The following ACACA variants were observed in gnomAD, a reference collection of about 807,000 sequenced individuals.
The protein encoded by ACACA is acetyl-CoA carboxylase alpha.
A neutral mutation model predicts 296.1 loss-of-function variants in ACACA; 103 were observed. That is an observed-to-expected ratio of 0.35 (90% confidence interval 0.30 to 0.41). ACACA has a LOEUF of 0.41. Among genes scored for constraint, ACACA ranks in the 10% least tolerant of loss-of-function variants. The pLI is 1.00. For synonymous variants in ACACA, 953 were observed against 1,038.6 expected, an observed-to-expected ratio of 0.92 and a Z score of 1.58; for missense variants, 1,554 against 2,989.7, an observed-to-expected ratio of 0.52 and a Z score of 11.20.
At chr17:37,234,949 T>C in intron 25 of ACACA, 26 bp downstream of exon 25, 1 of 1,613,748 alleles carries the variant, frequency 6.2e-7, no homozygotes, top group Non-Finnish European at 8.5e-7. Context: ...TGACGGTCTT[T>C]ACAAGTTCTG....
In ACACA at chr17:37,173,982, TTATATATA is replaced by T. The variant is rs1173883631; in HGVS notation, c.5079+5270_5079+5277del. 4.4e-3 allele frequency among the ~76,000 whole-genome samples: 85 copies of T among 19,414 alleles called. 2 individuals are homozygous for T. The highest frequency in any genetic ancestry group is 9.9e-3 in the East Asian group (11 of 1,114). 12.7% of individuals were successfully genotyped at this position (19,414 alleles called of 152,430 possible). On this transcript the variant is annotated intron_variant, in intron 41 of 55. Transcript: ENST00000616317. Reference sequence around the variant, plus strand: ...GCGCCTGCCAACACGCCTGGCTAATTTATATATATATATATATATATATATATATATAT... The same window carrying T: ...GCGCCTGCCAACACGCCTGGCTAATTTATATATATATATATATATATATAT...
chr17:37,384,062 G>A (rs921651499), intron 1 of ACACA, among the ~76,000 whole-genome samples: 1 of 152,106 alleles, frequency 6.6e-6, no homozygotes, highest in Non-Finnish European at 1.5e-5. Flanking sequence ...TCAGGAATTC[G>A]AGACCAGCCT....
chr17:37,251,486 T>G (rs1468052561), intron 16 of ACACA, among the ~76,000 whole-genome samples: 1 of 152,236 alleles, frequency 6.6e-6, no homozygotes, highest in African/African-American at 2.4e-5. Flanking sequence ...ATTAGCCACT[T>G]GGAACATTCC....
intron 1 of ACACA, among the ~76,000 whole-genome samples, chr17:37,344,146 AGG>A (rs1454643423): frequency 1.3e-5 from 2 of 152,106 alleles, no homozygotes; most frequent in East Asian, 3.9e-4. Flanking sequence ...AAAAACCTCT[AGG>A]CCAGGTGTGG....
At chr17:37,392,080 G>C in intron 1 of ACACA, 1 of 229,356 alleles carries the variant, frequency 4.4e-6, no homozygotes, top group Admixed American at 5.0e-5. Flanking sequence ...GTGTGACATA[G>C]CTTCCAGCTC....
At chr17:37,211,645 A>C (rs1287126948) in intron 29 of ACACA, among the ~76,000 whole-genome samples, 1 of 152,174 alleles carries the variant, frequency 6.6e-6, no homozygotes, top group African/African-American at 2.4e-5. Flanking sequence ...TGATATGTGG[A>C]AAGGAAGATA....
chr17:37,133,164 C>G (rs1206370041), intron 45 of ACACA, among the ~76,000 whole-genome samples: 2 of 152,140 alleles, frequency 1.3e-5, no homozygotes, highest in Non-Finnish European at 2.9e-5. Flanking sequence ...CTCTGACCAG[C>G]CTTATCTTGG....
At chr17:37,180,708 C>G (rs1045055740) in intron 40 of ACACA, among the ~76,000 whole-genome samples, 2 of 152,124 alleles carry the variant, frequency 1.3e-5, no homozygotes, top group Non-Finnish European at 2.9e-5. Context: ...ACAAATCTCC[C>G]ACAAAAGAAC....
intron 14 of ACACA, among the ~76,000 whole-genome samples, chr17:37,255,782 T>C (rs2081199599): frequency 1.3e-5 from 2 of 152,180 alleles, no homozygotes; most frequent in South Asian, 4.1e-4. Flanking sequence ...GTTTTGCTCT[T>C]GTTGCCCAGG....
Position 37,248,121 on chromosome 17 carries a change from G to C in ACACA, c.2199C>G (p.Ile733Met). The change falls in exon 18 of 56, where the codon ATC becomes ATG. Residue 733 changes from isoleucine (I) to methionine (M), a missense_variant. By Grantham distance (10) the Ile-to-Met change is conservative (BLOSUM62 1). This residue lies in a region of ACACA where 316 missense variants were observed against 540.9 expected (regional missense o/e 0.58). Coordinates refer to ENST00000616317, the MANE Select transcript of ACACA (RefSeq NM_198834.3). ...TRQSPNSYVV[I>M]MNGSCVEVDV... ...CTACTTCTACACATGAGCCATTCAT[G>C]ATCACCACATAGGAGTTGGGGGACT... 1 of 1,614,160 alleles carries C rather than the reference G, an allele frequency of 6.2e-7. No individual in the cohort carries two copies. The highest frequency in any genetic ancestry group is 8.5e-7 in the Non-Finnish European group (1 of 1,180,026).
intron 5 of ACACA, among the ~76,000 whole-genome samples, chr17:37,281,725 G>A (rs535169216): frequency 5.6e-4 from 85 of 152,184 alleles, no homozygotes; most frequent in Non-Finnish European, 9.7e-4. Flanking sequence ...AATTAGCTGG[G>A]CATGGTGGCA....
At chr17:37,341,088 A>G (rs1440715325) in intron 1 of ACACA, among the ~76,000 whole-genome samples, 2 of 152,088 alleles carry the variant, frequency 1.3e-5, no homozygotes. Flanking sequence ...AAATAAATTA[A>G]CGAATTTAAT....
At chr17:37,321,288 C>A (rs2047343312) in intron 3 of ACACA, among the ~76,000 whole-genome samples, 1 of 152,166 alleles carries the variant, frequency 6.6e-6, no homozygotes, top group African/African-American at 2.4e-5. Context: ...ACTATTACTG[C>A]CCAAGGATAA....
chr17:37,189,093 G>T (rs1352982940), intron 38 of ACACA, among the ~76,000 whole-genome samples: 1 of 152,170 alleles, frequency 6.6e-6, no homozygotes, highest in East Asian at 1.9e-4. Context: ...TAATAAGATG[G>T]GGCAGATGTT....
chr17:37,187,539 A>G (rs1034826951), intron 39 of ACACA, among the ~76,000 whole-genome samples: 1 of 152,238 alleles, frequency 6.6e-6, no homozygotes, highest in African/African-American at 2.4e-5. Context: ...CATAGTAAAG[A>G]GCCCAAATAT....
rs1426101528 is a variant in ACACA at position 37,390,356 on chromosome 17, C to T, written c.38+15906G>A. ...TATAAAAGGCCAGCTGGGCCGGGCA[C>T]GGTGGCTCACGCCTGTAATCCTAGC... On this transcript the variant is annotated intron_variant, in intron 1 of 55. Transcript: ENST00000616317. Among the ~76,000 whole-genome samples, 18 of 85,416 alleles carry T rather than the reference C, an allele frequency of 2.1e-4. 1 individual carries two copies. Among genetic ancestry groups the T allele is most frequent in the Non-Finnish European group, 2.8e-4 (13 of 46,708 alleles). The allele number at this position is 85,416 out of a possible 152,430, so 56.0% of individuals were successfully genotyped here.
rs2078561574 is a variant in ACACA at position 37,207,553 on chromosome 17, C to T, written c.3851+104G>A. 2.9e-6 allele frequency: 4 copies of T among 1,392,376 alleles called. No individual in the cohort carries two copies. The African/African-American group carries it at 4.3e-5, about 15-fold the overall frequency. The allele number at this position is 1,392,376 out of a possible 1,614,324, so 86.3% of individuals were successfully genotyped here. A position where few individuals can be genotyped will look rare whatever the true frequency, so the allele number is the denominator to read the frequency against. ...AAGGGTTACATCTTTTTAGCTGGCTCATGGCTATTCGGGAGACCTTTATTC... is the reference window on the plus strand; with the variant it reads ...AAGGGTTACATCTTTTTAGCTGGCTTATGGCTATTCGGGAGACCTTTATTC... On this transcript the variant is annotated intron_variant, in intron 31 of 55. Transcript: ENST00000616317.
intron 3 of ACACA, among the ~76,000 whole-genome samples, chr17:37,295,268 G>C (rs762725901): frequency 1.2e-4 from 18 of 152,144 alleles, no homozygotes; most frequent in Non-Finnish European, 2.6e-4. Flanking sequence ...ACCGTCCCAA[G>C]TTGGAAAGGA....
chr17:37,164,792 G>A (rs914392135), intron 41 of ACACA, among the ~76,000 whole-genome samples: 9 of 152,222 alleles, frequency 5.9e-5, no homozygotes, highest in Non-Finnish European at 1.3e-4. Flanking sequence ...GAAAGATTGC[G>A]TTTTACACCA....
Sources: gnomAD v4.1 joint callset for allele counts (sites outside exome capture counted in the v4.1 genomes callset) on GRCh38, gnomAD v4.1.1 for gene constraint, gnomAD v4.1.1 regional missense constraint, MANE v1.5 for transcripts, NCBI Gene and HGNC (gene_info 2026-07-23, HGNC 2026-07-21) for gene names.